Variants in ATP11C observed in about 807,000 individuals in gnomAD.
ATP11C encodes phospholipid-transporting ATPase IG.
Under a neutral mutation model 97.4 loss-of-function variants are expected in ATP11C, and 36 were observed. That is an observed-to-expected ratio of 0.37 (90% CI 0.28 to 0.49). ATP11C has a LOEUF of 0.49. Among genes scored for constraint, ATP11C ranks in the 20% least tolerant of loss-of-function variants. The probability of loss-of-function intolerance (pLI) is 0.98; values close to 1 mark genes in which losing one functional copy is unlikely to be tolerated. For missense variants in ATP11C, 730 were observed against 824.6 expected (o/e 0.89, Z 1.40); for synonymous variants, 275 against 290.9 (o/e 0.95, Z 0.56).
Position 139,774,924 on chromosome X carries a change from T to G in ATP11C, c.1982A>C (p.Glu661Ala), listed in dbSNP as rs771786667. ...TTTCAGGCCTGCTGCATGCAGAGCTTCAATGGTCTCTGCAGCTTGATCTTG... is the reference window on the plus strand; with the variant it reads ...TTTCAGGCCTGCTGCATGCAGAGCTGCAATGGTCTCTGCAGCTTGATCTTG... ...KLQDQAAETI[E>A]ALHAAGLKVW... Residue 661 changes from glutamate to alanine, a missense_variant, in exon 19 of 30, where the codon GAA becomes GCA. By Grantham distance (107) the Glu-to-Ala change is moderately radical (BLOSUM62 -1). Transcript: ENST00000682941. 4 of 1,210,217 alleles carry G rather than the reference T, an allele frequency of 3.3e-6. No individual in the cohort carries two copies.
intron 1 of ATP11C, among the ~76,000 whole-genome samples, chrX:139,886,172 A>T (rs1301670929): frequency 8.9e-6 from 1 of 112,059 alleles, no homozygotes; most frequent in Admixed American, 9.5e-5. Context: ...ATAATTAGTG[A>T]CTGGCAAAGT....
chrX:139,758,338 T>A (rs2081976034), intron 22 of ATP11C, among the ~76,000 whole-genome samples: 1 of 111,694 alleles, frequency 9.0e-6, no homozygotes, highest in Admixed American at 9.5e-5. Context: ...CATCAAACAA[T>A]CAACATATCA....
chrX:139,750,471 G>A (rs1473135028), intron 23 of ATP11C, among the ~76,000 whole-genome samples: 1 of 112,008 alleles, frequency 8.9e-6, no homozygotes, highest in Non-Finnish European at 1.9e-5. Context: ...CTATTCTGGA[G>A]TTACTTCAGC....
At chrX:139,931,510 C>A (rs951610987) in intron 1 of ATP11C, among the ~76,000 whole-genome samples, 1 of 112,449 alleles carries the variant, frequency 8.9e-6, no homozygotes, top group Non-Finnish European at 1.9e-5. Flanking sequence ...GGTCAGAAGC[C>A]GCCCGCTGGC....
intron 1 of ATP11C, among the ~76,000 whole-genome samples, chrX:139,916,081 T>C (rs2085152063): frequency 9.1e-6 from 1 of 109,754 alleles, no homozygotes; most frequent in Non-Finnish European, 1.9e-5. Context: ...ATACAAAAAT[T>C]AGCTGTGCGT....
chrX:139,876,776 A>G (rs1045759026), intron 1 of ATP11C, among the ~76,000 whole-genome samples: 1 of 112,173 alleles, frequency 8.9e-6, no homozygotes, highest in Non-Finnish European at 1.9e-5. Context: ...AGGAACAGAA[A>G]ATGTTAGCTG....
intron 28 of ATP11C, among the ~76,000 whole-genome samples, chrX:139,737,315 A>C (rs760357189): frequency 2.7e-5 from 3 of 111,608 alleles, no homozygotes; most frequent in African/African-American, 9.7e-5. Context: ...GGAAATTTAC[A>C]ATTTAATAGG....
chrX:139,771,689 G>C (rs192810280), intron 19 of ATP11C, among the ~76,000 whole-genome samples: 92 of 111,920 alleles, frequency 8.2e-4, no homozygotes, highest in East Asian at 2.3e-3. Flanking sequence ...TTTTAGCAGA[G>C]AGACTGGTGG....
chrX:139,741,212 G>A (rs1033587512), intron 26 of ATP11C, 118 bp from the exon 27 acceptor site: 16 of 480,083 alleles, frequency 3.3e-5, no homozygotes, highest in Non-Finnish European at 5.5e-5. Context: ...CTTGGGCCAG[G>A]GATCCAGAGA....
intron 1 of ATP11C, among the ~76,000 whole-genome samples, chrX:139,916,165 G>T (rs1212271810): frequency 1.9e-5 from 2 of 105,325 alleles, no homozygotes; most frequent in Non-Finnish European, 3.9e-5. Context: ...GGAGGCAGAG[G>T]TTGCAGTGAG....
In ATP11C at chrX:139,785,241, C is replaced by G. The variant is rs748136174; in HGVS notation, c.1651G>C (p.Val551Leu). ...DAVRRRMSVIVKTQEGDILLF... is the reference protein window; with the variant it reads ...DAVRRRMSVILKTQEGDILLF... ...AGACATGTACCTTCTTGAGTCTTCA[C>G]AATTACACTCATACGTCGCCGGACA... The change falls in exon 16 of 30, where the codon GTG becomes CTG. Residue 551 changes from valine (V) to leucine (L), a missense_variant. By Grantham distance (32) the Val-to-Leu change is conservative (BLOSUM62 1). Transcript: ENST00000682941. 8 of 1,205,371 alleles carry G rather than the reference C, an allele frequency of 6.6e-6. No homozygotes were observed. The highest frequency in any genetic ancestry group is 9.0e-6 in the Non-Finnish European group (8 of 892,260).
intron 1 of ATP11C, among the ~76,000 whole-genome samples, chrX:139,858,122 G>C (rs1353181489): frequency 8.8e-6 from 1 of 113,107 alleles, no homozygotes; most frequent in East Asian, 2.8e-4. Context: ...AACTCAGCAA[G>C]AAGGACCTCG....
At chrX:139,878,268 A>G (rs2084508440) in intron 1 of ATP11C, among the ~76,000 whole-genome samples, 2 of 111,820 alleles carry the variant, frequency 1.8e-5, no homozygotes, top group South Asian at 3.7e-4. Flanking sequence ...GTTGTACTCA[A>G]TAATTATTGT....
rs1029199740 is a variant in ATP11C at position 139,785,401 on chromosome X, A to G, written c.1593-102T>C. ...ATTTAAACATCTTAAATCAACAGATAGCACTGGTTGTGTGCACAACTGGTA... is the reference window on the plus strand; with the variant it reads ...ATTTAAACATCTTAAATCAACAGATGGCACTGGTTGTGTGCACAACTGGTA... On this transcript the variant is annotated intron_variant, in intron 15 of 29. Transcript: ENST00000682941. 2.8e-5 allele frequency: 16 copies of G among 579,982 alleles called. No individual in the cohort carries two copies. In the Admixed American group the frequency reaches 4.5e-4, roughly 16 times the overall value. The allele number at this position is 579,982 out of a possible 1,213,427, so 47.8% of individuals were successfully genotyped here.
At chrX:139,926,672 C>T (rs977633735) in intron 1 of ATP11C, among the ~76,000 whole-genome samples, 29 of 112,560 alleles carry the variant, frequency 2.6e-4, no homozygotes, top group African/African-American at 9.0e-4. Context: ...TATATAGGCA[C>T]TCAATATTAC....
intron 1 of ATP11C, among the ~76,000 whole-genome samples, chrX:139,914,687 A>G (rs1367569990): frequency 1.8e-5 from 2 of 111,584 alleles, no homozygotes; most frequent in Non-Finnish European, 3.8e-5. Flanking sequence ...CAGCTAAGGA[A>G]TAACTCCTCC....
intron 5 of ATP11C, among the ~76,000 whole-genome samples, chrX:139,806,673 T>C (rs1424797270): frequency 9.0e-6 from 1 of 111,416 alleles, no homozygotes; most frequent in African/African-American, 3.3e-5. Flanking sequence ...ATTCACCAGC[T>C]CTTCTCTAGA....
At chrX:139,919,444 AACACACACACACACACACACACACACAC>A (rs370999462) in intron 1 of ATP11C, among the ~76,000 whole-genome samples, 1 of 73,950 alleles carries the variant, frequency 1.4e-5, no homozygotes, top group Admixed American at 1.5e-4. Flanking sequence ...CTCAAACTTA[AACACACACACACACACACACACACACAC>A]ACACACACAC....
At chrX:139,763,520 C>G (rs941452482) in intron 20 of ATP11C, 102 bp from the exon 21 acceptor site, 1 of 567,443 alleles carries the variant, frequency 1.8e-6, no homozygotes, top group African/African-American at 2.3e-5. Context: ...AAATAGCAGC[C>G]TTGCAAACAG....
Sources: gnomAD v4.1 joint callset for allele counts (sites outside exome capture counted in the v4.1 genomes callset) on GRCh38, gnomAD v4.1.1 for gene constraint, MANE v1.5 for transcripts, NCBI Gene and HGNC (gene_info 2026-07-23, HGNC 2026-07-21) for gene names.